The following ODC1 variants were observed in gnomAD, a reference collection of about 807,000 sequenced individuals.
ODC1 encodes ornithine decarboxylase 1.
Under a neutral mutation model 41.5 loss-of-function variants are expected in ODC1, and 18 were observed. The ratio of observed to expected loss-of-function variants is 0.43; its 90% CI spans 0.30 to 0.64. The LOEUF (loss-of-function observed/expected upper bound fraction) is 0.64, where lower values mean the gene tolerates loss of function less well. Among genes scored for constraint, ODC1 ranks in the 30% least tolerant of loss-of-function variants. ODC1 has a pLI of 0.11. For synonymous variants in ODC1, 218 were observed against 211.6 expected (o/e 1.03, Z -0.26); for missense variants, 504 against 589.0 (o/e 0.86, Z 1.49).
Position 10,444,194 on chromosome 2 carries a change from A to G in ODC1, c.350T>C (p.Val117Ala), listed in dbSNP as rs1671936494. ...RIIYANPCKQ[V>A]SQIKYAANNG... The stretch of plus-strand genomic sequence containing the variant: ...ATTAGCAGCATACTTAATTTGAGAT[A>G]CTTGTTTACAAGGATTTGCATAGAT... Residue 117 changes from valine to alanine, a missense_variant, in exon 5 of 12, where the codon GTA becomes GCA. Val to Ala is a moderately conservative substitution (Grantham distance 64, BLOSUM62 0). Around this residue, in one of 3 missense-constraint regions of ODC1, gnomAD observed 447 missense variants for 524.4 expected, o/e 0.85. Transcript: ENST00000234111. 6.2e-7 allele frequency: 1 copy of G among 1,613,098 alleles called. No homozygotes were observed. The highest frequency in any genetic ancestry group is 1.1e-5 in the South Asian group (1 of 90,756).
At chr2:10,444,745 G>A in intron 3 of ODC1, 98 bp from the exon 4 acceptor site, 2 of 1,098,670 alleles carry the variant, frequency 1.8e-6, no homozygotes, top group East Asian at 2.4e-5. Flanking sequence ...AATGAATCCT[G>A]CTCTTTTGAG....
rs752188928 is a variant in ODC1, at chr2:10,443,324, GA to G, written c.667-12del. ...GAAACCAACCTCAGCCTAGAATCAA[GA>G]AAATAAGTCAGCCAGATCCACAGCT... On this transcript the variant is annotated splice_polypyrimidine_tract_variant and intron_variant, in intron 7 of 11. Coordinates refer to ENST00000234111, the MANE Select transcript of ODC1 (RefSeq NM_002539.3). 1 of 1,607,348 alleles carries G rather than the reference GA, an allele frequency of 6.2e-7. No individual in the cohort carries two copies. The highest frequency in any genetic ancestry group is 2.2e-5 in the East Asian group (1 of 44,822).
At chr2:10,447,921 C>G (rs979637939) in intron 1 of ODC1, 200 bp downstream of exon 1, 3 of 152,224 alleles carry the variant, frequency 2.0e-5, no homozygotes, top group Non-Finnish European at 2.9e-5. Flanking sequence ...GAACGAGGCG[C>G]CCGGATCACC....
At chr2:10,445,434 G>A (rs142996021) in intron 1 of ODC1, among the ~76,000 whole-genome samples, 170 bp from the exon 2 acceptor site, 2 of 152,220 alleles carry the variant, frequency 1.3e-5, no homozygotes, top group African/African-American at 4.8e-5. Context: ...ATAAACCTTG[G>A]CAGTATAAGG....
chr2:10,440,853 T>A lies in ODC1; in HGVS notation c.1257A>T (p.Gln419His), dbSNP rs1484668417. ...MSGPAWQLMQ[Q>H]FQNPDFPPEV... ...CGGGTGGGAAGTCGGGGTTCTGGAA[T>A]TGCTGCATGAGTTGCCTGAGAAAGA... Residue 419 changes from glutamine to histidine, a missense_variant, in exon 12 of 12, where the codon CAA (glutamine) becomes CAT (histidine). Physicochemically the swap from Gln to His is conservative, Grantham distance 24. Around this residue, in one of 3 missense-constraint regions of ODC1, gnomAD observed 447 missense variants for 524.4 expected, o/e 0.85. Transcript: ENST00000234111. 1 of 1,614,134 alleles carries A rather than the reference T, an allele frequency of 6.2e-7. No individual in the cohort carries two copies. The highest frequency in any genetic ancestry group is 8.5e-7 in the Non-Finnish European group (1 of 1,180,012).
In ODC1 at chr2:10,440,681, T is replaced by G. The variant is rs755412159; in HGVS notation, c.*43A>C. Reference sequence around the variant, plus strand: ...AGTTACATGGTCCCCCCAAATCCCTTAATTCAAGCTAAACTTGCAGTTAAC... The same window carrying G: ...AGTTACATGGTCCCCCCAAATCCCTGAATTCAAGCTAAACTTGCAGTTAAC... On this transcript the variant is annotated 3_prime_UTR_variant, in exon 12 of 12. Transcript: ENST00000234111. 1 of 1,595,948 alleles carries G rather than the reference T, an allele frequency of 6.3e-7. No homozygotes were observed. The highest frequency in any genetic ancestry group is 1.3e-5 in the African/African-American group (1 of 74,452).
At chr2:10,447,696 T>A (rs1421407724) in intron 1 of ODC1, 2 of 152,290 alleles carry the variant, frequency 1.3e-5, no homozygotes, top group African/African-American at 4.8e-5. Context: ...GGAAGGAAAC[T>A]GAAGGCGCCA....
In ODC1 at chr2:10,442,158, T is replaced by C. The variant is rs1272314193; in HGVS notation, c.767A>G (p.Asn256Ser). 1 of 1,607,024 alleles carries C rather than the reference T, an allele frequency of 6.2e-7. No individual in the cohort carries two copies. The highest frequency in any genetic ancestry group is 8.5e-7 in the Non-Finnish European group (1 of 1,177,678). The change falls in exon 9 of 12, where the codon AAC becomes AGC. Residue 256 changes from asparagine to serine, a missense_variant. Physicochemically the swap from Asn to Ser is conservative, Grantham distance 46 (BLOSUM62 1). This residue lies in a region of ODC1 where 447 missense variants were observed against 524.4 expected (regional missense o/e 0.85). Coordinates refer to ENST00000234111, the MANE Select transcript of ODC1 (RefSeq NM_002539.3). The stretch of plus-strand genomic sequence containing the variant: ...CGGAAAGTATTTGTCCAACGCTGGG[T>C]TGATTACGCCGGTGATCTAAGAGAG... Reference protein sequence around the residue: ...LKFEEITGVINPALDKYFPSD... With the variant: ...LKFEEITGVISPALDKYFPSD...
At chr2:10,446,071 T>C (rs1007475465) in intron 1 of ODC1, among the ~76,000 whole-genome samples, 3 of 152,196 alleles carry the variant, frequency 2.0e-5, no homozygotes, top group African/African-American at 7.2e-5. Flanking sequence ...TTAAAAACTG[T>C]AATCTTCAAG....
chr2:10,444,046 CACATATCT>C, intron 5 of ODC1, 41 bp downstream of exon 5: 5 of 1,518,652 alleles, frequency 3.3e-6, no homozygotes, highest in African/African-American at 1.4e-5. Context: ...GATAAGAATC[CACATATCT>C]TATGCTCCCG....
rs771098442 is a variant in ODC1 at position 10,440,717 on chromosome 2, G to A, written c.*7C>T. 1.9e-5 allele frequency: 31 copies of A among 1,611,124 alleles called. No homozygotes were observed. Among genetic ancestry groups the A allele is most frequent in the Non-Finnish European group, 2.6e-5 (31 of 1,178,516 alleles). ...AAACTTGCAGTTAACAGCTACCAGA[G>A]TGCTATCTACACATTAATACTAGCC... On this transcript the variant is annotated 3_prime_UTR_variant, in exon 12 of 12. Coordinates refer to ENST00000234111, the MANE Select transcript of ODC1 (RefSeq NM_002539.3).
chr2:10,442,095 C>A lies in ODC1; in HGVS notation c.830G>T (p.Arg277Ile). ...SGVRIIAEPG[R>I]YYVASAFTLA... is the part of the protein sequence containing the mutation. Reference sequence around the variant, plus strand: ...CGTGAAAGCTGATGCAACATAGTATCTGCCGGGCTCAGCTATGATTCTCAC... The same window carrying A: ...CGTGAAAGCTGATGCAACATAGTATATGCCGGGCTCAGCTATGATTCTCAC... Residue 277 changes from arginine to isoleucine, a missense_variant, in exon 9 of 12, where the codon AGA (arginine) becomes ATA (isoleucine). Physicochemically the swap from Arg to Ile is moderately conservative, Grantham distance 97 (BLOSUM62 -3). Transcript: ENST00000234111. 6.2e-7 allele frequency: 1 copy of A among 1,614,162 alleles called. No homozygotes were observed.
chr2:10,440,757 T>C lies in ODC1; in HGVS notation c.1353A>G (p.Arg451=). The C allele has an allele frequency of 6.2e-7, 1 of 1,614,144 alleles. No homozygotes were observed. Residue 451 remains arginine (R), a synonymous_variant, in exon 12 of 12, where the codon AGA becomes AGG. Transcript: ENST00000234111. ...TAATACTAGCCGAAGCACAGGCTGC[T>C]CTGTGGCGTTTCATCCCACTCTCCC... ...CAWESGMKRH[R]AACASASINV is the part of the protein sequence containing the mutation.
In ODC1 at chr2:10,443,806, G is replaced by A. The variant is rs770183790; in HGVS notation, c.480C>T (p.Ser160=). The change falls in exon 6 of 12, where the codon TCC becomes TCT. Residue 160 remains serine (S), a synonymous_variant. Transcript: ENST00000234111. ...KLVLRIATDD[S]KAVCRLSVKF... is the part of the protein sequence containing the mutation. ...TCACACTGAGACGACAGACTGCTTT[G>A]GAATCATCAGTGGCAATCCGCAAAA... 14 of 1,614,110 alleles carry A rather than the reference G, an allele frequency of 8.7e-6. No individual in the cohort carries two copies. In the East Asian group the frequency reaches 3.1e-4, roughly 36 times the overall value.
chr2:10,443,313 C>T lies in ODC1; in HGVS notation c.667G>A (p.Ala223Thr), dbSNP rs1224439375. The change falls in exon 8 of 12, where the codon GCT (alanine) becomes ACT (threonine). Residue 223 changes from alanine (A) to threonine (T), a missense_variant and splice_region_variant. Physicochemically the swap from Ala to Thr is moderately conservative, Grantham distance 58 (BLOSUM62 0). Coordinates refer to ENST00000234111, the MANE Select transcript of ODC1 (RefSeq NM_002539.3). Reference sequence around the variant, plus strand: ...AGATACATGCTGAAACCAACCTCAGCCTAGAATCAAGAAAATAAGTCAGCC... The same window carrying T: ...AGATACATGCTGAAACCAACCTCAGTCTAGAATCAAGAAAATAAGTCAGCC... ...SDARCVFDMG[A>T]EVGFSMYLLD... is the part of the protein sequence containing the mutation. 3 of 1,609,390 alleles carry T rather than the reference C, an allele frequency of 1.9e-6. No homozygotes were observed. The African/African-American group carries it at 4.0e-5, about 22-fold the overall frequency.
chr2:10,444,866 T>TG, intron 3 of ODC1, 65 bp downstream of exon 3: 1 of 1,209,234 alleles, frequency 8.3e-7, no homozygotes, highest in South Asian at 1.2e-5. Flanking sequence ...CCTTAGACCT[T>TG]GCCAAAGTTT....
At chr2:10,444,715 C>T (rs1671951901) in intron 3 of ODC1, 68 bp from the exon 4 acceptor site, 2 of 1,378,852 alleles carry the variant, frequency 1.5e-6, no homozygotes, top group Non-Finnish European at 2.0e-6. Flanking sequence ...TAGCCAGCGA[C>T]CTTCATTCCC....
rs1287469338 is a variant in ODC1 at position 10,443,306 on chromosome 2, A to G, written c.674T>C (p.Val225Ala). The change falls in exon 8 of 12, where the codon GTT becomes GCT. Residue 225 changes from valine to alanine, a missense_variant. Around this residue, in one of 3 missense-constraint regions of ODC1, gnomAD observed 447 missense variants for 524.4 expected, o/e 0.85. Transcript: ENST00000234111. ...ARCVFDMGAE[V>A]GFSMYLLDIG... is the part of the protein sequence containing the mutation. ...ATCAAGCAGATACATGCTGAAACCA[A>G]CCTCAGCCTAGAATCAAGAAAATAA... 1.9e-6 allele frequency: 3 copies of G among 1,610,204 alleles called. No homozygotes were observed. Among genetic ancestry groups the G allele is most frequent in the South Asian group, 2.2e-5 (2 of 90,264 alleles).
At chr2:10,445,786 C>T (rs1355790337) in intron 1 of ODC1, among the ~76,000 whole-genome samples, 1 of 152,098 alleles carries the variant, frequency 6.6e-6, no homozygotes, top group Non-Finnish European at 1.5e-5. Flanking sequence ...CAGGCGCCTG[C>T]CACCATGCCC....
Sources: gnomAD v4.1 joint callset for allele counts (sites outside exome capture counted in the v4.1 genomes callset) on GRCh38, gnomAD v4.1.1 for gene constraint, gnomAD v4.1.1 regional missense constraint, MANE v1.5 for transcripts, NCBI Gene and HGNC (gene_info 2026-07-23, HGNC 2026-07-21) for gene names.